Variants in WDR62 observed in about 807,000 individuals in gnomAD.
The protein encoded by WDR62 is WD repeat domain 62, also known as WD repeat-containing protein 62.
A neutral mutation model predicts 160.6 loss-of-function variants in WDR62; 112 were observed. The observed-to-expected ratio is 0.70, with a 90% confidence interval of 0.60 to 0.82. WDR62 has a LOEUF of 0.82. Among genes scored for constraint, WDR62 ranks in the 40% least tolerant of loss-of-function variants. WDR62 has a pLI of 0.00. For missense variants in WDR62, 1,819 were observed against 1,983.8 expected (o/e 0.92, Z 1.58); for synonymous variants, 792 against 815.1 (o/e 0.97, Z 0.48).
At position 36,100,814 on chromosome 19, in the gene WDR62, G is replaced by A. The variant is rs766631950; in HGVS notation, c.2806G>A (p.Glu936Lys). ...SFLPQQKESS[E>K]ASELILYSLE... Reference sequence around the variant, plus strand: ...CCTGCCCCAGCAGAAGGAATCATCTGAGGCCAGTGAGCTCATCCTCTACTC... The same window carrying A: ...CCTGCCCCAGCAGAAGGAATCATCTAAGGCCAGTGAGCTCATCCTCTACTC... The change falls in exon 23 of 32, where the codon GAG becomes AAG. Residue 936 changes from glutamate to lysine, a missense_variant. By Grantham distance (56) the Glu-to-Lys change is moderately conservative (BLOSUM62 1). This residue lies in a region of WDR62 where 934 missense variants were observed against 1,157.2 expected (regional missense o/e 0.81). Transcript: ENST00000401500. 2 of 1,614,122 alleles carry A rather than the reference G, an allele frequency of 1.2e-6. No individual in the cohort carries two copies. Among genetic ancestry groups the A allele is most frequent in the South Asian group, 2.2e-5 (2 of 91,094 alleles).
At chr19:36,059,830 C>A in intron 2 of WDR62, 138 bp from the exon 3 acceptor site, 1 of 861,958 alleles carries the variant, frequency 1.2e-6, no homozygotes, top group Non-Finnish European at 2.0e-6. Flanking sequence ...GCGTAAACAC[C>A]TGGAGGAGGG....
chr19:36,084,767 A>T lies in WDR62; in HGVS notation c.1642+23A>T, dbSNP rs746498364. 62 of 1,609,420 alleles carry T rather than the reference A, an allele frequency of 3.9e-5. No homozygotes were observed. The Admixed American group carries it at 6.7e-4, about 17-fold the overall frequency. ...CGGGTGAGCCCGCAGCAGGGGTGGA[A>T]TGGGGGTCAGGCAGGGAGGCAGCCC... On this transcript the variant is annotated intron_variant, in intron 12 of 31. Coordinates refer to ENST00000401500, the MANE Select transcript of WDR62 (RefSeq NM_001083961.2).
At position 36,083,070 on chromosome 19, in the gene WDR62, T is replaced by C. The variant is rs1971994962; in HGVS notation, c.1379T>C (p.Leu460Pro). 1.2e-6 allele frequency: 2 copies of C among 1,612,046 alleles called. No homozygotes were observed. Among genetic ancestry groups the C allele is most frequent in the Non-Finnish European group, 1.7e-6 (2 of 1,179,074 alleles). Residue 460 changes from leucine to proline, a missense_variant, in exon 11 of 32, where the codon CTG (leucine) becomes CCG (proline). Physicochemically the swap from Leu to Pro is moderately conservative, Grantham distance 98 (BLOSUM62 -3). Around this residue, in one of 3 missense-constraint regions of WDR62, gnomAD observed 934 missense variants for 1,157.2 expected, o/e 0.81. Coordinates refer to ENST00000401500, the MANE Select transcript of WDR62 (RefSeq NM_001083961.2). ...WQKNIFSNTL[L>P]KVVYVENDIQ... is the part of the protein sequence containing the mutation. ...GCCCTGTCCTTCCTGCAGACCCTGC[T>C]GAAGGTCGTGTACGTGGAGAATGAC...
chr19:36,057,300 G>A (rs1483963134), intron 1 of WDR62, among the ~76,000 whole-genome samples: 1 of 152,086 alleles, frequency 6.6e-6, no homozygotes, highest in Non-Finnish European at 1.5e-5. Flanking sequence ...CTGTGTATTT[G>A]GGGTAATATT....
At chr19:36,061,888 C>G (rs1459681838) in intron 3 of WDR62, 1 of 151,354 alleles carries the variant, frequency 6.6e-6, no homozygotes, top group Admixed American at 6.6e-5. Flanking sequence ...TAGAATAGTA[C>G]AAAGAGCTCC....
intron 9 of WDR62, among the ~76,000 whole-genome samples, chr19:36,080,584 G>A (rs543341388): frequency 5.3e-4 from 80 of 151,620 alleles, no homozygotes; most frequent in African/African-American, 1.9e-3. Context: ...TCAGCCTCCC[G>A]AGTAGCTGGG....
At chr19:36,107,611 G>A (rs1437655422), downstream of WDR62, among the ~76,000 whole-genome samples, 1 of 151,814 alleles carries the variant, frequency 6.6e-6, no homozygotes, top group East Asian at 2.0e-4. Context: ...ACTCATCTGG[G>A]GTCAGATGAG....
intron 19 of WDR62, among the ~76,000 whole-genome samples, chr19:36,093,706 C>T (rs574197364): frequency 1.3e-5 from 2 of 152,206 alleles, no homozygotes; most frequent in Admixed American, 6.5e-5. Flanking sequence ...TTCCCGTACT[C>T]GGGAAGAGCC....
rs1382128413 is a variant in WDR62 at position 36,103,491 on chromosome 19, T to C, written c.3663T>C (p.Thr1221=). 1 of 1,614,122 alleles carries C rather than the reference T, an allele frequency of 6.2e-7. No homozygotes were observed. The highest frequency in any genetic ancestry group is 1.7e-5 in the Admixed American group (1 of 60,026). ...APSTCSYMEA[T]ASSRARISRS... ...CCACCTGTTCCTACATGGAGGCCAC[T>C]GCCAGCTCCCGTGCCAGGATATCAC... The change falls in exon 30 of 32, where the codon ACT becomes ACC. Residue 1221 remains threonine (T), a synonymous_variant. Coordinates refer to ENST00000401500, the MANE Select transcript of WDR62 (RefSeq NM_001083961.2).
chr19:36,104,785 G>A lies in WDR62; in HGVS notation c.4329G>A (p.Gln1443=), dbSNP rs771131709. The change falls in exon 32 of 32, where the codon CAG becomes CAA. Residue 1443 remains glutamine (Q), a synonymous_variant. Transcript: ENST00000401500. ...CCTTGCAGTTGGTCTCCAGTGGCCA[G>A]GTGGACACCGGGCAGCAGCAGGCAC... ...DLYRVLVSSG[Q]VDTGQQQART... The A allele has an allele frequency of 4.0e-5, 64 of 1,613,566 alleles. No individual in the cohort carries two copies. The Middle Eastern group carries it at 4.9e-4, about 12-fold the overall frequency.
chr19:36,091,192 C>A lies in WDR62; in HGVS notation c.2035-8C>A. 6.2e-7 allele frequency: 1 copy of A among 1,611,450 alleles called. No individual in the cohort carries two copies. Among genetic ancestry groups the A allele is most frequent in the Non-Finnish European group, 8.5e-7 (1 of 1,179,280 alleles). On this transcript the variant is annotated splice_region_variant and splice_polypyrimidine_tract_variant and intron_variant, in intron 16 of 31. Transcript: ENST00000401500. ...GCTGGAGTGACATGTGGGTCCCTTT[C>A]CTGGCAGGTCCATGTGGACCCCTCA... is the stretch of plus-strand genomic sequence containing the variant.
chr19:36,105,138 A>G (rs1941020285), downstream of WDR62: 7 of 1,397,964 alleles, frequency 5.0e-6, no homozygotes, highest in Admixed American at 4.2e-5. Context: ...GGGCCTATCC[A>G]CAAAGCCCTC....
intron 21 of WDR62, 32 bp from the exon 22 acceptor site, chr19:36,099,367 G>T (rs760982713): frequency 5.0e-6 from 8 of 1,598,292 alleles, no homozygotes; most frequent in Non-Finnish European, 6.8e-6. Flanking sequence ...TGAGCACTCA[G>T]CCAGTTGCCT....
intron 9 of WDR62, among the ~76,000 whole-genome samples, chr19:36,080,747 G>A (rs772891886): frequency 2.6e-4 from 39 of 151,958 alleles, no homozygotes; most frequent in Non-Finnish European, 4.6e-4. Flanking sequence ...GAGCCACCGC[G>A]CCCGGCCAAT....
chr19:36,072,702 C>T (rs921559036), intron 8 of WDR62, among the ~76,000 whole-genome samples: 2 of 152,172 alleles, frequency 1.3e-5, no homozygotes, highest in East Asian at 1.9e-4. Context: ...AAGGAGGGGG[C>T]GAGCAACCCA....
intron 9 of WDR62, among the ~76,000 whole-genome samples, chr19:36,079,661 G>A (rs1417407164): frequency 1.3e-5 from 2 of 152,192 alleles, no homozygotes; most frequent in Non-Finnish European, 2.9e-5. Context: ...TGTTCAGTTT[G>A]GCCCAGTGTG....
At chr19:36,070,990 C>G (rs1188165716) in intron 7 of WDR62, 1 of 157,124 alleles carries the variant, frequency 6.4e-6, no homozygotes, top group Non-Finnish European at 1.4e-5. Context: ...GGTGGATCAC[C>G]TGAGGTCAGG....
At chr19:36,083,858 T>G (rs1972048113) in intron 11 of WDR62, among the ~76,000 whole-genome samples, 1 of 152,146 alleles carries the variant, frequency 6.6e-6, no homozygotes. Flanking sequence ...GGCTACAAGT[T>G]TTCAAACTTT....
intron 26 of WDR62, 84 bp from the exon 27 acceptor site, chr19:36,102,653 T>C: frequency 1.7e-6 from 2 of 1,194,060 alleles, no homozygotes; most frequent in East Asian, 2.4e-5. Context: ...TTCTGGGGAG[T>C]GCCCCGCTGG....
Sources: gnomAD v4.1 joint callset for allele counts (sites outside exome capture counted in the v4.1 genomes callset) on GRCh38, gnomAD v4.1.1 for gene constraint, gnomAD v4.1.1 regional missense constraint, MANE v1.5 for transcripts, NCBI Gene and HGNC (gene_info 2026-07-23, HGNC 2026-07-21) for gene names.